Variants in DPP10 observed in about 807,000 individuals in gnomAD.
The protein encoded by DPP10 is dipeptidyl peptidase like 10.
A neutral mutation model predicts 120.9 loss-of-function variants in DPP10; 33 were observed. The observed-to-expected ratio is 0.27, with a 90% CI of 0.21 to 0.37. DPP10 has a LOEUF of 0.37. Among genes scored for constraint, DPP10 ranks in the 10% least tolerant of loss-of-function variants. DPP10 has a pLI of 1.00. For synonymous variants in DPP10, 337 were observed against 326.1 expected, an observed-to-expected ratio of 1.03 and a Z score of -0.36; for missense variants, 816 against 942.8, an observed-to-expected ratio of 0.87 and a Z score of 1.76.
At chr2:115,659,637 A>G (rs1267624935) in intron 5 of DPP10, among the ~76,000 whole-genome samples, 1 of 152,190 alleles carries the variant, frequency 6.6e-6, no homozygotes, top group Non-Finnish European at 1.5e-5. Context: ...CTTTCATGGT[A>G]TGTCCATAGG....
intron 1 of DPP10, among the ~76,000 whole-genome samples, chr2:114,759,969 A>G (rs1021321653): frequency 1.3e-5 from 2 of 152,164 alleles, no homozygotes; most frequent in African/African-American, 4.8e-5. Context: ...GAAGCAATTG[A>G]TATTTTAGCT....
chr2:115,717,483 T>C (rs1044487095), intron 7 of DPP10, among the ~76,000 whole-genome samples: 4 of 152,210 alleles, frequency 2.6e-5, no homozygotes. Flanking sequence ...CTGTGTAAAC[T>C]TGGGCAAGTT....
intron 1 of DPP10, among the ~76,000 whole-genome samples, chr2:115,174,244 A>G (rs1051609532): frequency 2.5e-4 from 38 of 152,224 alleles, no homozygotes; most frequent in African/African-American, 6.5e-4. Context: ...ATGAAGATCT[A>G]TAAGACAGTA....
At chr2:114,608,146 G>A (rs934023011) in intron 1 of DPP10, among the ~76,000 whole-genome samples, 1 of 152,158 alleles carries the variant, frequency 6.6e-6, no homozygotes, top group Non-Finnish European at 1.5e-5. Context: ...GCTTATAGGG[G>A]ATCTGAGTGA....
intron 21 of DPP10, among the ~76,000 whole-genome samples, chr2:115,832,345 C>T (rs1689013199): frequency 6.6e-6 from 1 of 152,104 alleles, no homozygotes; most frequent in African/African-American, 2.4e-5. Context: ...CAAAAATTAG[C>T]TGGGCACGGT....
At chr2:115,553,208 A>C (rs1233769384) in intron 5 of DPP10, among the ~76,000 whole-genome samples, 2 of 152,112 alleles carry the variant, frequency 1.3e-5, no homozygotes, top group Admixed American at 6.6e-5. Flanking sequence ...CTTTCAAAGT[A>C]TATCCTGTAG....
chr2:115,773,673 T>C (rs552623885), intron 13 of DPP10, among the ~76,000 whole-genome samples: 1 of 152,258 alleles, frequency 6.6e-6, no homozygotes, highest in South Asian at 2.1e-4. Context: ...TGCTGTTCTT[T>C]CCTGCTTTGT....
At chr2:115,172,071 A>T (rs1046496489) in intron 1 of DPP10, among the ~76,000 whole-genome samples, 7 of 152,238 alleles carry the variant, frequency 4.6e-5, no homozygotes, top group Non-Finnish European at 8.8e-5. Flanking sequence ...AGCATCTGAA[A>T]TTGCAACTCC....
intron 1 of DPP10, among the ~76,000 whole-genome samples, chr2:115,290,183 G>A (rs1392767558): frequency 1.3e-5 from 2 of 151,944 alleles, no homozygotes; most frequent in Non-Finnish European, 2.9e-5. Context: ...TTAAAAGCAG[G>A]CAAGTGATAT....
chr2:115,224,073 G>C (rs1395858213), intron 1 of DPP10, among the ~76,000 whole-genome samples: 2 of 152,156 alleles, frequency 1.3e-5, no homozygotes, highest in Middle Eastern at 3.4e-3. Flanking sequence ...AAGTAGTCCT[G>C]CTTTGAGTTT....
chr2:115,265,798 G>A (rs1447788893), intron 1 of DPP10, among the ~76,000 whole-genome samples: 2 of 152,096 alleles, frequency 1.3e-5, no homozygotes, highest in Admixed American at 6.6e-5. Context: ...AGAAAAAGGG[G>A]CCAGGCGCGG....
intron 1 of DPP10, among the ~76,000 whole-genome samples, chr2:115,286,145 TAAGA>T (rs2060357212): frequency 1.3e-5 from 2 of 151,154 alleles, no homozygotes; most frequent in African/African-American, 2.4e-5. Context: ...ACTCTTACTC[TAAGA>T]AAGAGTTATT....
intron 7 of DPP10, among the ~76,000 whole-genome samples, chr2:115,699,967 A>T (rs947746559): frequency 2.6e-5 from 4 of 152,208 alleles, no homozygotes; most frequent in Non-Finnish European, 5.9e-5. Context: ...AAGAGGTTTA[A>T]TTGGCTCACA....
At chr2:114,736,757 A>G (rs1677479653) in intron 1 of DPP10, among the ~76,000 whole-genome samples, 1 of 152,194 alleles carries the variant, frequency 6.6e-6, no homozygotes, top group Non-Finnish European at 1.5e-5. Context: ...GATAAAACCT[A>G]AACATTTCAT....
At chr2:114,629,357 A>G (rs1694750177) in intron 1 of DPP10, among the ~76,000 whole-genome samples, 1 of 152,214 alleles carries the variant, frequency 6.6e-6, no homozygotes, top group Non-Finnish European at 1.5e-5. Flanking sequence ...ATTCAAAATC[A>G]AAGTGATAAC....
intron 1 of DPP10, among the ~76,000 whole-genome samples, chr2:114,921,353 C>G (rs1695183441): frequency 6.6e-6 from 1 of 152,056 alleles, no homozygotes; most frequent in Non-Finnish European, 1.5e-5. Flanking sequence ...TTTAAAGAAC[C>G]ATCATACATT....
intron 3 of DPP10, among the ~76,000 whole-genome samples, chr2:115,454,374 G>A (rs557738333): frequency 1.5e-4 from 22 of 151,498 alleles, no homozygotes; most frequent in Non-Finnish European, 2.8e-4. Flanking sequence ...CATATAAAAA[G>A]CATTATACAC....
intron 3 of DPP10, among the ~76,000 whole-genome samples, chr2:115,401,388 T>C (rs1406267513): frequency 6.6e-6 from 1 of 152,158 alleles, no homozygotes; most frequent in Non-Finnish European, 1.5e-5. Context: ...GAGACCAGCC[T>C]GGGTAACATA....
At chr2:115,521,023 A>G (rs1219932033) in intron 4 of DPP10, among the ~76,000 whole-genome samples, 1 of 152,234 alleles carries the variant, frequency 6.6e-6, no homozygotes, top group Non-Finnish European at 1.5e-5. Flanking sequence ...GTGAGGTCAG[A>G]TGAATCACTT....
Sources: gnomAD v4.1 joint callset for allele counts (sites outside exome capture counted in the v4.1 genomes callset) on GRCh38, gnomAD v4.1.1 for gene constraint, MANE v1.5 for transcripts, NCBI Gene and HGNC (gene_info 2026-07-23, HGNC 2026-07-21) for gene names.